FRAS1: variants seen among roughly 807,000 people sequenced by gnomAD.
FRAS1 encodes the protein extracellular matrix organizing protein FRAS1.
In FRAS1, 290 loss-of-function variants were observed where a neutral mutation model predicts 435.2. That is an observed-to-expected ratio of 0.67 (90% CI 0.61 to 0.73). FRAS1 has a LOEUF of 0.73. FRAS1 is among the 30% of genes least tolerant of loss of function. The pLI is 0.00. For synonymous variants in FRAS1, 1,800 were observed against 1,851.0 expected (o/e 0.97, Z 0.71); for missense variants, 4,860 against 5,001.5 (o/e 0.97, Z 0.85).
chr4:78,201,849 G>A (rs1456171356), intron 2 of FRAS1, among the ~76,000 whole-genome samples: 1 of 152,094 alleles, frequency 6.6e-6, no homozygotes, highest in Non-Finnish European at 1.5e-5. Flanking sequence ...GGAGAAAAGG[G>A]GGAAGAAGAA....
At chr4:78,287,073 G>C (rs186153657) in intron 14 of FRAS1, among the ~76,000 whole-genome samples, 2 of 152,106 alleles carry the variant, frequency 1.3e-5, no homozygotes, top group Non-Finnish European at 2.9e-5. Context: ...CTGCGTGGCT[G>C]GAGAGGCCTC....
At chr4:78,067,044 A>C (rs1278292360) in intron 2 of FRAS1, among the ~76,000 whole-genome samples, 1 of 152,190 alleles carries the variant, frequency 6.6e-6, no homozygotes, top group Non-Finnish European at 1.5e-5. Flanking sequence ...TTTAGGAATC[A>C]TTTGCTCTAA....
In FRAS1 at chr4:78,526,427, A is replaced by G. The variant is rs143379532; in HGVS notation, c.10809-114A>G. ...GTTTGCAGACTTGTAAAGTTCTTAG[A>G]TGCTGGACACAAATACCACCTGAAA... On this transcript the variant is annotated intron_variant, in intron 69 of 73. Coordinates refer to ENST00000512123, the MANE Select transcript of FRAS1 (RefSeq NM_025074.7). The G allele has an allele frequency of 1.2e-3, 746 of 634,912 alleles. 5 individuals carry two copies. The highest frequency in any genetic ancestry group is 0.011 in the Middle Eastern group (26 of 2,412). 39.3% of individuals were successfully genotyped at this position (634,912 alleles called of 1,614,324 possible).
In FRAS1 at chr4:78,057,973, A is replaced by G; in HGVS notation, c.-37A>G. 1 of 1,603,676 alleles carries G rather than the reference A, an allele frequency of 6.2e-7. No individual in the cohort carries two copies. The highest frequency in any genetic ancestry group is 8.5e-7 in the Non-Finnish European group (1 of 1,171,262). On this transcript the variant is annotated 5_prime_UTR_variant, in exon 1 of 74. Transcript: ENST00000512123. The surrounding 1 kb of genome is among the most constrained non-coding windows in gnomAD (Gnocchi z 4.2). ...TGGCGGAGCCGCTTCTTGGATGCTG[A>G]AGGCTGGGCTCCTCCATCGTGGGTG...
chr4:78,277,677 C>T (rs1727120810), intron 9 of FRAS1, among the ~76,000 whole-genome samples: 1 of 152,008 alleles, frequency 6.6e-6, no homozygotes, highest in Admixed American at 6.5e-5. Context: ...TACATTTTTA[C>T]AGCAAGCATT....
At chr4:78,410,226 G>C (rs982183159) in intron 31 of FRAS1, among the ~76,000 whole-genome samples, 3 of 152,132 alleles carry the variant, frequency 2.0e-5, no homozygotes, top group Admixed American at 2.0e-4. Context: ...CTAAGTAGCT[G>C]CTCAAAATAA....
chr4:78,486,043 G>A (rs560831066), intron 58 of FRAS1, among the ~76,000 whole-genome samples: 4 of 152,132 alleles, frequency 2.6e-5, no homozygotes, highest in Admixed American at 1.3e-4. Flanking sequence ...ATTAGACTCG[G>A]GCTTGGGCAT....
chr4:78,407,010 A>G (rs1733126081), intron 30 of FRAS1, among the ~76,000 whole-genome samples: 1 of 152,246 alleles, frequency 6.6e-6, no homozygotes, highest in Non-Finnish European at 1.5e-5. Flanking sequence ...TTTAAACATT[A>G]TATAAAATTA....
intron 2 of FRAS1, among the ~76,000 whole-genome samples, chr4:78,161,390 G>C (rs1224684951): frequency 6.6e-6 from 1 of 152,070 alleles, no homozygotes; most frequent in Non-Finnish European, 1.5e-5. Flanking sequence ...TCACATGCAA[G>C]CTGTGTGGCC....
intron 14 of FRAS1, among the ~76,000 whole-genome samples, chr4:78,289,730 G>A (rs145693271): frequency 2.6e-3 from 394 of 152,152 alleles, no homozygotes; most frequent in African/African-American, 9.3e-3. Flanking sequence ...CGCTTGCCCT[G>A]CTCTCACCCA....
intron 2 of FRAS1, among the ~76,000 whole-genome samples, chr4:78,115,414 C>T (rs1405240569): frequency 6.6e-6 from 1 of 152,126 alleles, no homozygotes; most frequent in Non-Finnish European, 1.5e-5. Flanking sequence ...GTACCAGCTC[C>T]TCCTTGTACC....
At chr4:78,490,870 G>GT (rs56896691) in intron 59 of FRAS1, among the ~76,000 whole-genome samples, 228 of 151,090 alleles carry the variant, frequency 1.5e-3, no homozygotes, top group African/African-American at 5.1e-3. Flanking sequence ...CCAGGAGCTG[G>GT]TTTTTTTTTT....
chr4:78,441,693 T>C (rs1347311934), intron 41 of FRAS1, among the ~76,000 whole-genome samples: 3 of 152,158 alleles, frequency 2.0e-5, no homozygotes, highest in African/African-American at 7.2e-5. Context: ...GCAGAAGGGC[T>C]TGTGGATTAC....
chr4:78,482,373 T>C lies in FRAS1; in HGVS notation c.8605-15T>C, dbSNP rs753982476. 5.6e-5 allele frequency: 91 copies of C among 1,613,688 alleles called. No individual in the cohort carries two copies. The highest frequency in any genetic ancestry group is 7.0e-5 in the Non-Finnish European group (83 of 1,179,794). ...GGTGGGTCCTCTGTCAAGTTTGCTT[T>C]GGTTTCTCTTCTAGTATTGCACCTT... is the stretch of plus-strand genomic sequence containing the variant. On this transcript the variant is annotated splice_polypyrimidine_tract_variant and intron_variant, in intron 57 of 73. Coordinates refer to ENST00000512123, the MANE Select transcript of FRAS1 (RefSeq NM_025074.7).
chr4:78,420,910 A>ACCC (rs1308209001), intron 33 of FRAS1, among the ~76,000 whole-genome samples: 3,045 of 84,762 alleles, frequency 0.036, 238 homozygotes, highest in African/African-American at 0.1. Flanking sequence ...ATATATATAT[A>ACCC]TATATATATA....
chr4:78,163,465 G>A (rs28433896), intron 2 of FRAS1, among the ~76,000 whole-genome samples: 6,798 of 152,228 alleles, frequency 0.045, 228 homozygotes, highest in Admixed American at 0.082. Context: ...TATTCCAAGA[G>A]TGGGTAATAT....
intron 45 of FRAS1, 76 bp downstream of exon 45, chr4:78,450,415 G>A: frequency 1.7e-6 from 2 of 1,182,696 alleles, no homozygotes; most frequent in Admixed American, 1.7e-5. Flanking sequence ...TAAATATCTG[G>A]TAGTCTATGG....
In FRAS1 at chr4:78,308,077, T is replaced by A; in HGVS notation, c.1546T>A (p.Ser516Thr). The A allele has an allele frequency of 2.5e-6, 4 of 1,612,510 alleles. No homozygotes were observed. Among genetic ancestry groups the A allele is most frequent in the Non-Finnish European group, 3.4e-6 (4 of 1,178,884 alleles). Residue 516 changes from serine (S) to threonine (T), a missense_variant, in exon 15 of 74, where the codon TCC (serine) becomes ACC (threonine). Ser to Thr is a moderately conservative substitution (Grantham distance 58). Transcript: ENST00000512123. ...DRHSCAVCHE[S>T]CAGCWGPTEK... ...CTATTCGTCTGCAGTCTGCCATGAG[T>A]CCTGTGCAGGTTGCTGGGGCCCAAC...
intron 4 of FRAS1, among the ~76,000 whole-genome samples, chr4:78,245,952 G>C (rs766009742): frequency 6.6e-6 from 1 of 152,210 alleles, no homozygotes; most frequent in African/African-American, 2.4e-5. Flanking sequence ...AGAAATCTTT[G>C]CAGACATGGC....
Sources: allele counts gnomAD v4.1 joint callset (sites outside exome capture counted in the v4.1 genomes callset), GRCh38; gene constraint gnomAD v4.1.1; non-coding constraint Gnocchi (gnomAD v3.1); transcripts MANE v1.5; gene names NCBI Gene and HGNC (gene_info 2026-07-23, HGNC 2026-07-21).